RANGAP1: variants seen among roughly 807,000 people sequenced by gnomAD.
RANGAP1 encodes the protein ran GTPase-activating protein 1.
In RANGAP1, 38 loss-of-function variants were observed where a neutral mutation model predicts 63.5. The ratio of observed to expected loss-of-function variants is 0.60; its 90% confidence interval spans 0.46 to 0.78. The LOEUF (loss-of-function observed/expected upper bound fraction) is 0.78. Ranked by LOEUF, RANGAP1 falls within the 30% of genes least tolerant of loss-of-function variation. The probability of loss-of-function intolerance (pLI) is 0.00; values close to 1 mark genes in which losing one functional copy is unlikely to be tolerated. For synonymous variants in RANGAP1, 329 were observed against 310.5 expected (o/e 1.06, Z -0.63); for missense variants, 630 against 740.3 (o/e 0.85, Z 1.73).
At chr22:41,259,674 T>C (rs1298253731) in intron 6 of RANGAP1, among the ~76,000 whole-genome samples, 1 of 152,238 alleles carries the variant, frequency 6.6e-6, no homozygotes, top group Non-Finnish European at 1.5e-5. Flanking sequence ...TGATTTCCAC[T>C]GGGGATAAAG....
At position 41,286,012 on chromosome 22, in the gene RANGAP1, G is replaced by A. The variant is rs1483514491; in HGVS notation, c.-65C>T. The A allele has an allele frequency of 2.0e-5, 3 of 152,386 alleles. No individual in the cohort carries two copies. The highest frequency in any genetic ancestry group is 7.2e-5 in the African/African-American group (3 of 41,462). The allele number at this position is 152,386 out of a possible 1,614,324, so 9.4% of individuals were successfully genotyped here. ...GTAAACAGGCGGCGCCGCCGCGTGGGGGGAATCGAGCGCGCGCCTCCGCCC... is the reference window on the plus strand; with the variant it reads ...GTAAACAGGCGGCGCCGCCGCGTGGAGGGAATCGAGCGCGCGCCTCCGCCC... On this transcript the variant is annotated 5_prime_UTR_variant, in exon 1 of 16. Transcript: ENST00000356244.
chr22:41,273,968 C>T (rs1026866223), intron 3 of RANGAP1, among the ~76,000 whole-genome samples: 4 of 152,078 alleles, frequency 2.6e-5, no homozygotes, highest in Admixed American at 6.6e-5. Context: ...ATCCCAGCTA[C>T]TCAGGAGGCT....
chr22:41,296,728 G>A, the RANGAP1 span, among the ~76,000 whole-genome samples: 1 of 151,822 alleles, frequency 6.6e-6, no homozygotes, highest in Non-Finnish European at 1.5e-5. Flanking sequence ...CTATATTAGA[G>A]TTCTCCAGAT....
In RANGAP1 at chr22:41,254,442, C is replaced by T; in HGVS notation, c.1126G>A (p.Ala376Thr). ...TCATCTTCCTCCTCCTCTTCTTCTG[C>T]TTCCTCTTCTTCCTCTTCTCCTTCC... is the stretch of plus-strand genomic sequence containing the variant. ...EEEGEEEEEE[A>T]EEEEEEDEEE... is the part of the protein sequence containing the mutation. Residue 376 changes from alanine (A) to threonine (T), a missense_variant, in exon 11 of 16, where the codon GCA becomes ACA. Ala to Thr is a moderately conservative substitution (Grantham distance 58, BLOSUM62 0). Around this residue, in one of 3 missense-constraint regions of RANGAP1, gnomAD observed 428 missense variants for 465.5 expected, o/e 0.92. Coordinates refer to ENST00000356244, the MANE Select transcript of RANGAP1 (RefSeq NM_002883.4). 6.2e-7 allele frequency: 1 copy of T among 1,610,144 alleles called. No homozygotes were observed. Among genetic ancestry groups the T allele is most frequent in the Non-Finnish European group, 8.5e-7 (1 of 1,178,712 alleles).
chr22:41,247,337 G>A (rs903601033), intron 15 of RANGAP1, among the ~76,000 whole-genome samples: 2 of 152,014 alleles, frequency 1.3e-5, no homozygotes, highest in African/African-American at 2.4e-5. Context: ...TTATAGGCGT[G>A]AGCCACCGCG....
At chr22:41,248,523 C>A (rs112449814) in intron 15 of RANGAP1, among the ~76,000 whole-genome samples, 2 of 152,354 alleles carry the variant, frequency 1.3e-5, no homozygotes, top group Admixed American at 6.5e-5. Context: ...GCTCCCCCAG[C>A]AAAGGGACTT....
At chr22:41,293,355 C>G in the RANGAP1 span, among the ~76,000 whole-genome samples, 76 of 152,088 alleles carry the variant, frequency 5.0e-4, no homozygotes, top group African/African-American at 1.8e-3. Flanking sequence ...AAGGCTGAAG[C>G]GAGCTGTGAT....
the RANGAP1 span, among the ~76,000 whole-genome samples, chr22:41,291,819 T>G: frequency 6.6e-6 from 1 of 151,244 alleles, no homozygotes; most frequent in Non-Finnish European, 1.5e-5. Flanking sequence ...GAGAATGGCG[T>G]GAACCTGGGA....
chr22:41,267,747 G>A (rs1345088866), intron 4 of RANGAP1, among the ~76,000 whole-genome samples: 6 of 152,188 alleles, frequency 3.9e-5, no homozygotes. Flanking sequence ...GAGCAGGACT[G>A]CGAGGTGCAG....
chr22:41,274,681 A>G lies in RANGAP1; in HGVS notation c.159T>C (p.Ala53=). The G allele has an allele frequency of 6.2e-7, 1 of 1,614,174 alleles. No individual in the cohort carries two copies. Among genetic ancestry groups the G allele is most frequent in the Non-Finnish European group, 8.5e-7 (1 of 1,180,030 alleles). ...CCACTGTGTTGCCTTCCAGACGCAG[A>G]GCCTCCAAGCTGTCAAAGTCTTCAA... is the stretch of plus-strand genomic sequence containing the variant. ...KEIEDFDSLE[A]LRLEGNTVGV... Residue 53 remains alanine, a synonymous_variant, in exon 3 of 16, where the codon GCT becomes GCC. Coordinates refer to ENST00000356244, the MANE Select transcript of RANGAP1 (RefSeq NM_002883.4).
the RANGAP1 span, among the ~76,000 whole-genome samples, chr22:41,302,042 G>T: frequency 2.0e-5 from 3 of 152,150 alleles, no homozygotes; most frequent in Non-Finnish European, 2.9e-5. The surrounding 1 kb of genome is among the most constrained non-coding windows in gnomAD (Gnocchi z 5.7). Flanking sequence ...CCGTGTGGCC[G>T]GGGGCACCTG....
Position 41,281,061 on chromosome 22 carries a change from G to A in RANGAP1, c.-17C>T. ...CGAGGCCATGTTGACTAGGCTGGTG[G>A]GCTCCCCTGGAGATCTGCAGACTGA... On this transcript the variant is annotated 5_prime_UTR_variant, in exon 2 of 16. Transcript: ENST00000356244. 6.3e-7 allele frequency: 1 copy of A among 1,576,824 alleles called. No homozygotes were observed.
At chr22:41,293,760 CAAA>C in the RANGAP1 span, among the ~76,000 whole-genome samples, 9 of 54,856 alleles carry the variant, frequency 1.6e-4, no homozygotes, top group Non-Finnish European at 2.0e-4. Flanking sequence ...GACTCTGTCT[CAAA>C]AAAAAAAAAA....
intron 1 of RANGAP1, chr22:41,285,686 G>T: frequency 1.0e-6 from 1 of 985,234 alleles, no homozygotes; most frequent in South Asian, 4.7e-5. Context: ...ATCCCCGGCG[G>T]ACTCGCACCG....
rs71200678 is a variant in RANGAP1 at position 41,273,766 on chromosome 22, CA to C, written c.240+833del. Among the ~76,000 whole-genome samples, 38 of 24,352 alleles carry C rather than the reference CA, an allele frequency of 1.6e-3. No homozygotes were observed. The East Asian group carries it at 0.028, about 18-fold the overall frequency. 16.0% of individuals were successfully genotyped at this position (24,352 alleles called of 152,430 possible). A position where few individuals can be genotyped will look rare whatever the true frequency, so the allele number is the denominator to read the frequency against. ...CGGGTGACAGTGTGAGACTCCATCT[CA>C]AAAAAAAAAAAAAAAAAAAAAAAAA... On this transcript the variant is annotated intron_variant, in intron 3 of 15. Transcript: ENST00000356244.
intron 15 of RANGAP1, among the ~76,000 whole-genome samples, chr22:41,249,022 G>A (rs1569168485): frequency 1.3e-5 from 2 of 152,192 alleles, no homozygotes; most frequent in African/African-American, 4.8e-5. Context: ...GCTAGCGTGT[G>A]ACCAAGGGAA....
At chr22:41,266,562 G>A (rs1238431851) in intron 4 of RANGAP1, among the ~76,000 whole-genome samples, 1 of 152,016 alleles carries the variant, frequency 6.6e-6, no homozygotes, top group East Asian at 1.9e-4. Flanking sequence ...ATGGAGTCTC[G>A]CTTTCTCTCA....
chr22:41,269,874 C>T (rs2034696305), intron 3 of RANGAP1, among the ~76,000 whole-genome samples: 2 of 152,160 alleles, frequency 1.3e-5, no homozygotes, highest in Non-Finnish European at 2.9e-5. Context: ...CCCTGTCGCA[C>T]CCAGGCTGGA....
chr22:41,287,757 C>T (rs369498210), upstream of RANGAP1, among the ~76,000 whole-genome samples: 2 of 151,664 alleles, frequency 1.3e-5, no homozygotes, highest in Admixed American at 6.6e-5. Flanking sequence ...GAGGCCGAGG[C>T]GGGCGGATCA....
Sources: gnomAD v4.1 joint callset for allele counts (sites outside exome capture counted in the v4.1 genomes callset) on GRCh38, gnomAD v4.1.1 for gene constraint, gnomAD v4.1.1 regional missense constraint, Gnocchi (gnomAD v3.1) non-coding constraint, MANE v1.5 for transcripts, NCBI Gene and HGNC (gene_info 2026-07-23, HGNC 2026-07-21) for gene names.